TTC28: variants seen among roughly 807,000 people sequenced by gnomAD.
TTC28 encodes the protein tetratricopeptide repeat domain 28, also known as tetratricopeptide repeat protein 28.
Under a neutral mutation model 198.0 loss-of-function variants are expected in TTC28, and 61 were observed. The ratio of observed to expected loss-of-function variants is 0.31; its 90% CI spans 0.25 to 0.38. The LOEUF (loss-of-function observed/expected upper bound fraction) is 0.38, where lower values mean the gene tolerates loss of function less well. TTC28 is among the 10% of genes least tolerant of loss of function. The probability of loss-of-function intolerance (pLI) is 1.00; values close to 1 mark genes in which losing one functional copy is unlikely to be tolerated. For synonymous variants in TTC28, 1,171 were observed against 1,297.8 expected (o/e 0.90, Z 2.10); for missense variants, 2,678 against 3,164.0 (o/e 0.85, Z 3.69).
intron 2 of TTC28, among the ~76,000 whole-genome samples, chr22:28,492,953 C>A (rs2048398947): frequency 6.7e-6 from 1 of 148,950 alleles, no homozygotes; most frequent in Admixed American, 6.8e-5. Flanking sequence ...ACTCAGAAGT[C>A]AGCTTAAAGA....
At chr22:28,479,311 G>A (rs1021147264) in intron 2 of TTC28, among the ~76,000 whole-genome samples, 4 of 152,172 alleles carry the variant, frequency 2.6e-5, no homozygotes, top group Admixed American at 2.0e-4. Flanking sequence ...CTATAAACAA[G>A]TTGGTTTATC....
At chr22:28,376,333 G>A (rs2046408566) in intron 2 of TTC28, among the ~76,000 whole-genome samples, 1 of 152,160 alleles carries the variant, frequency 6.6e-6, no homozygotes. Flanking sequence ...CATTCAGCAT[G>A]TGCCAGGAAC....
intron 2 of TTC28, among the ~76,000 whole-genome samples, chr22:28,551,171 T>A (rs2049664520): frequency 6.6e-6 from 1 of 152,074 alleles, no homozygotes; most frequent in Non-Finnish European, 1.5e-5. Flanking sequence ...CCCTCCTAGA[T>A]TAAACCGGGA....
At chr22:28,432,242 C>T (rs1029343186) in intron 2 of TTC28, among the ~76,000 whole-genome samples, 7 of 150,466 alleles carry the variant, frequency 4.7e-5, no homozygotes, top group South Asian at 2.1e-4. Context: ...GCCGAGATCA[C>T]GCCACTGCAC....
At chr22:28,023,232 G>A (rs187683998) in intron 13 of TTC28, among the ~76,000 whole-genome samples, 24 of 152,338 alleles carry the variant, frequency 1.6e-4, no homozygotes, top group Non-Finnish European at 2.8e-4. Flanking sequence ...CAGGAGCCAC[G>A]GCAGCAGTTG....
intron 6 of TTC28, among the ~76,000 whole-genome samples, chr22:28,111,184 G>A (rs1039837278): frequency 1.1e-4 from 17 of 151,252 alleles, no homozygotes; most frequent in African/African-American, 3.6e-4. Flanking sequence ...TTTCTATGAC[G>A]AACATATAAA....
Position 27,992,598 on chromosome 22 carries a change from G to C in TTC28, c.5542C>G (p.Leu1848Val). 1 of 1,551,576 alleles carries C rather than the reference G, an allele frequency of 6.4e-7. No individual in the cohort carries two copies. The highest frequency in any genetic ancestry group is 8.7e-7 in the Non-Finnish European group (1 of 1,146,976). Reference protein sequence around the residue: ...LITASETGEQLISRAVKNMVG... With the variant: ...LITASETGEQVISRAVKNMVG... ...CAGGCTCGACTTACCCGGCTGATGA[G>C]CTGCTCGCCCGTCTCGGAGGCAGTG... Residue 1848 changes from leucine to valine, a missense_variant, in exon 19 of 23, where the codon CTC (leucine) becomes GTC (valine). By Grantham distance (32) the Leu-to-Val change is conservative. Around this residue, in one of 8 missense-constraint regions of TTC28, gnomAD observed 314 missense variants for 442.7 expected, o/e 0.71. Coordinates refer to ENST00000397906, the MANE Select transcript of TTC28 (RefSeq NM_001145418.2).
intron 6 of TTC28, among the ~76,000 whole-genome samples, chr22:28,125,769 T>G (rs886314508): frequency 6.6e-6 from 1 of 152,220 alleles, no homozygotes; most frequent in Non-Finnish European, 1.5e-5. Flanking sequence ...TAATAAAATT[T>G]ATTCAGCATA....
intron 2 of TTC28, among the ~76,000 whole-genome samples, chr22:28,475,894 G>A (rs555944351): frequency 3.9e-5 from 6 of 152,222 alleles, no homozygotes; most frequent in Non-Finnish European, 8.8e-5. Flanking sequence ...CCTTTCCAAG[G>A]AAAAAGCTTA....
intron 2 of TTC28, among the ~76,000 whole-genome samples, chr22:28,471,408 G>A (rs2146300293): frequency 6.6e-6 from 1 of 152,238 alleles, no homozygotes; most frequent in African/African-American, 2.4e-5. Flanking sequence ...CAGAAATAAA[G>A]ATATAATTTC....
chr22:28,640,843 T>C (rs1177753550), intron 1 of TTC28, among the ~76,000 whole-genome samples: 3 of 152,196 alleles, frequency 2.0e-5, no homozygotes, highest in African/African-American at 4.8e-5. Flanking sequence ...AGTTACTATA[T>C]GATCCAGCAA....
intron 2 of TTC28, among the ~76,000 whole-genome samples, chr22:28,405,391 A>G (rs1324521548): frequency 6.6e-6 from 1 of 152,212 alleles, no homozygotes; most frequent in East Asian, 1.9e-4. Flanking sequence ...TGGAGACAAA[A>G]GGGTGGTCAC....
At chr22:28,058,194 C>G (rs573094452) in intron 12 of TTC28, among the ~76,000 whole-genome samples, 1 of 152,050 alleles carries the variant, frequency 6.6e-6, no homozygotes, top group East Asian at 1.9e-4. Flanking sequence ...ATGAGAGTAA[C>G]CATAAACAAT....
Position 28,297,230 on chromosome 22 carries a change from G to A in TTC28, c.802+350C>T, listed in dbSNP as rs374845818. Among the ~76,000 whole-genome samples, 15 of 152,020 alleles carry A rather than the reference G, an allele frequency of 9.9e-5. No homozygotes were observed. In the East Asian group the frequency reaches 2.7e-3, roughly 28 times the overall value. On this transcript the variant is annotated intron_variant, in intron 4 of 22. Transcript: ENST00000397906. ...TTTCTTTGTTTTATTTTTTGTTTAA[G>A]AGACAGGGTTTTGCTCTGTTGCCCA...
chr22:28,243,037 TAAAA>T (rs199565183), intron 5 of TTC28, among the ~76,000 whole-genome samples: 1 of 132,508 alleles, frequency 7.5e-6, no homozygotes. Flanking sequence ...ATCTAATAAT[TAAAA>T]AAAAAAAAAA....
intron 15 of TTC28, chr22:28,001,104 C>T (rs138653): frequency 0.072 from 28,671 of 396,668 alleles, 1,294 homozygotes; most frequent in South Asian, 0.089. Flanking sequence ...AGAGCAGCTC[C>T]GTACCCTGAT....
chr22:28,004,471 T>C (rs1234249543), intron 14 of TTC28, among the ~76,000 whole-genome samples: 5 of 151,956 alleles, frequency 3.3e-5, no homozygotes, highest in African/African-American at 7.3e-5. Flanking sequence ...GGCTGGGAGA[T>C]AGGGAGGCTG....
chr22:28,224,243 A>G (rs1316947221), intron 5 of TTC28, among the ~76,000 whole-genome samples: 1 of 152,198 alleles, frequency 6.6e-6, no homozygotes, highest in Non-Finnish European at 1.5e-5. Flanking sequence ...TGCATGTGTC[A>G]TGTTAAAATG....
chr22:28,170,421 A>T (rs1344004128), intron 5 of TTC28, among the ~76,000 whole-genome samples: 1 of 151,472 alleles, frequency 6.6e-6, no homozygotes, highest in Non-Finnish European at 1.5e-5. Flanking sequence ...CCCAGGAGGC[A>T]GAGCTTGCAG....
Sources: gnomAD v4.1 joint callset for allele counts (sites outside exome capture counted in the v4.1 genomes callset) on GRCh38, gnomAD v4.1.1 for gene constraint, gnomAD v4.1.1 regional missense constraint, MANE v1.5 for transcripts, NCBI Gene and HGNC (gene_info 2026-07-23, HGNC 2026-07-21) for gene names.